The following CCM2 variants were observed in gnomAD, a reference collection of about 807,000 sequenced individuals.
CCM2 encodes the protein CCM2 scaffold protein.
A neutral mutation model predicts 44.9 loss-of-function variants in CCM2; 25 were observed. The observed-to-expected ratio is 0.56, with a 90% CI of 0.41 to 0.78. CCM2 has a LOEUF of 0.78. Ranked by LOEUF, CCM2 falls within the 30% of genes least tolerant of loss-of-function variation. CCM2 has a pLI of 0.00. For missense variants in CCM2, 481 were observed against 580.6 expected, an observed-to-expected ratio of 0.83 and a Z score of 1.76; for synonymous variants, 219 against 241.1, an observed-to-expected ratio of 0.91 and a Z score of 0.85.
chr7:45,064,355 A>G, intron 3 of CCM2, 108 bp from the exon 4 acceptor site: 1 of 1,081,928 alleles, frequency 9.2e-7, no homozygotes, highest in South Asian at 1.3e-5. Flanking sequence ...TTATTCACTC[A>G]GCATTTGTCA....
intron 2 of CCM2, among the ~76,000 whole-genome samples, chr7:45,039,189 C>T (rs1248042183): frequency 1.3e-5 from 2 of 152,184 alleles, no homozygotes; most frequent in Admixed American, 6.5e-5. Flanking sequence ...TCCCCACCCA[C>T]TGGAAGATGG....
chr7:45,007,209 A>G (rs1795881287), intron 1 of CCM2, among the ~76,000 whole-genome samples: 1 of 152,152 alleles, frequency 6.6e-6, no homozygotes, highest in African/African-American at 2.4e-5. Context: ...TTGGGAGAAC[A>G]TGTATGGTGT....
intron 2 of CCM2, among the ~76,000 whole-genome samples, chr7:45,051,647 G>A (rs967606037): frequency 6.6e-6 from 1 of 152,068 alleles, no homozygotes; most frequent in Non-Finnish European, 1.5e-5. Flanking sequence ...TGCAAGCTCT[G>A]CCTCCCGGGT....
rs779364833 is a variant in CCM2 at position 45,073,604 on chromosome 7, T to C, written c.915+33T>C. 2.5e-4 allele frequency: 362 copies of C among 1,469,556 alleles called. 1 individual carries two copies. The highest frequency in any genetic ancestry group is 3.1e-4 in the Non-Finnish European group (335 of 1,064,118). 91.0% of individuals were successfully genotyped at this position (1,469,556 alleles called of 1,614,324 possible). On this transcript the variant is annotated intron_variant, in intron 8 of 9. Coordinates refer to ENST00000258781, the MANE Select transcript of CCM2 (RefSeq NM_031443.4). ...TCCGCTGCAGGGACGCTGGGCTGCA[T>C]GAGGGAGGGGGTGCCCCAGGGAGGA...
chr7:45,047,918 A>T (rs1421780886), intron 2 of CCM2, among the ~76,000 whole-genome samples: 1 of 152,264 alleles, frequency 6.6e-6, no homozygotes, highest in Admixed American at 6.5e-5. Flanking sequence ...AAGTTTAATT[A>T]TAAAGAAATT....
Position 45,073,576 on chromosome 7 carries a change from G to A in CCM2, c.915+5G>A. 1 of 1,597,650 alleles carries A rather than the reference G, an allele frequency of 6.3e-7. No homozygotes were observed. The highest frequency in any genetic ancestry group is 8.6e-7 in the Non-Finnish European group (1 of 1,168,860). On this transcript the variant is annotated splice_donor_5th_base_variant and intron_variant, in intron 8 of 9. Transcript: ENST00000258781. ...CTGCAGGACTACATGCTGACGGTAG[G>A]CCTCCGCTGCAGGGACGCTGGGCTG...
chr7:45,048,711 C>A (rs570301338), intron 2 of CCM2, among the ~76,000 whole-genome samples: 1 of 151,580 alleles, frequency 6.6e-6, no homozygotes, highest in Non-Finnish European at 1.5e-5. Context: ...TGCAGTGAGC[C>A]GAGATTGTGC....
chr7:45,004,388 A>G (rs1358578223), intron 1 of CCM2, among the ~76,000 whole-genome samples: 1 of 152,154 alleles, frequency 6.6e-6, no homozygotes, highest in Non-Finnish European at 1.5e-5. Context: ...TGCTTTGGTA[A>G]TGGTTATATA....
At chr7:45,045,550 G>A (rs776636209) in intron 2 of CCM2, among the ~76,000 whole-genome samples, 18 of 152,200 alleles carry the variant, frequency 1.2e-4, no homozygotes, top group Non-Finnish European at 2.4e-4. Context: ...CCAGCACTTT[G>A]GGAGGCCGAG....
At chr7:45,064,131 C>T (rs183553612) in intron 3 of CCM2, 130 bp downstream of exon 3, 16 of 680,252 alleles carry the variant, frequency 2.4e-5, no homozygotes, top group Admixed American at 7.5e-5. Context: ...TGGCTCTTGG[C>T]CATAAAGACT....
intron 5 of CCM2, among the ~76,000 whole-genome samples, chr7:45,069,281 G>C (rs776898959): frequency 3.3e-5 from 5 of 152,234 alleles, no homozygotes; most frequent in Non-Finnish European, 5.9e-5. Flanking sequence ...CCTGTGCACT[G>C]TAGGGTGTTG....
At chr7:45,035,823 A>G (rs1357697293) in intron 1 of CCM2, among the ~76,000 whole-genome samples, 1 of 152,076 alleles carries the variant, frequency 6.6e-6, no homozygotes, top group Non-Finnish European at 1.5e-5. Context: ...ATATACATAT[A>G]TACATATATA....
At position 45,037,169 on chromosome 7, in the gene CCM2, C is replaced by G. The variant is rs190903075; in HGVS notation, c.31-1084C>G. On this transcript the variant is annotated intron_variant, in intron 1 of 9. Coordinates refer to ENST00000258781, the MANE Select transcript of CCM2 (RefSeq NM_031443.4). Reference sequence around the variant, plus strand: ...TGCTTCCCCCCAGACCCCCACCCCCCGCCGCCATTGTCAAAGGTGGTGATG... The same window carrying G: ...TGCTTCCCCCCAGACCCCCACCCCCGGCCGCCATTGTCAAAGGTGGTGATG... Among the ~76,000 whole-genome samples the G allele has an allele frequency of 9.2e-4, 139 of 151,794 alleles. 2 individuals carry two copies. Among genetic ancestry groups the G allele is most frequent in the African/African-American group, 3.3e-3 (136 of 41,362 alleles).
Position 45,009,984 on chromosome 7 carries a change from A to G in CCM2, c.30+9621A>G, listed in dbSNP as rs565959495. 4.0e-5 allele frequency among the ~76,000 whole-genome samples: 6 copies of G among 151,698 alleles called. No homozygotes were observed. In the South Asian group the frequency reaches 6.2e-4, roughly 16 times the overall value. On this transcript the variant is annotated intron_variant, in intron 1 of 9. Coordinates refer to ENST00000258781, the MANE Select transcript of CCM2 (RefSeq NM_031443.4). ...GAGTGCCGTGGTGCAATCATGGCAC[A>G]CTGCAGCCTTGACTTCCCAGACTCA...
intron 2 of CCM2, among the ~76,000 whole-genome samples, chr7:45,041,816 A>G (rs1797514844): frequency 6.6e-6 from 1 of 152,142 alleles, no homozygotes; most frequent in Non-Finnish European, 1.5e-5. Flanking sequence ...TGGAGACCAC[A>G]TTGGGTGGGG....
intron 1 of CCM2, among the ~76,000 whole-genome samples, chr7:45,014,425 C>T (rs1050931103): frequency 6.6e-6 from 1 of 151,906 alleles, no homozygotes; most frequent in African/African-American, 2.4e-5. Context: ...AGGCATGAAC[C>T]ACCGCGCCCG....
chr7:45,066,490 A>C (rs926997159), intron 4 of CCM2, among the ~76,000 whole-genome samples: 1 of 152,196 alleles, frequency 6.6e-6, no homozygotes, highest in African/African-American at 2.4e-5. Flanking sequence ...TCTCAGCATA[A>C]GAGACTAGCA....
At chr7:45,021,372 G>A (rs902953914) in intron 1 of CCM2, among the ~76,000 whole-genome samples, 4 of 152,082 alleles carry the variant, frequency 2.6e-5, no homozygotes, top group Non-Finnish European at 5.9e-5. Context: ...AGACCAGCCT[G>A]GCCAACATGG....
chr7:45,065,285 C>CT (rs1405611375), intron 4 of CCM2, among the ~76,000 whole-genome samples: 2 of 152,244 alleles, frequency 1.3e-5, no homozygotes, highest in Admixed American at 1.3e-4. Flanking sequence ...ATTCAGGCCA[C>CT]TGAGGATGAG....
Sources: gnomAD v4.1 joint callset for allele counts (sites outside exome capture counted in the v4.1 genomes callset) on GRCh38, gnomAD v4.1.1 for gene constraint, MANE v1.5 for transcripts, NCBI Gene and HGNC (gene_info 2026-07-23, HGNC 2026-07-21) for gene names.